The following CTIF variants were observed in gnomAD, a reference collection of about 807,000 sequenced individuals.
CTIF encodes CBP80/20-dependent translation initiation factor.
CTIF carries 21 observed loss-of-function variants against 66.0 expected under a neutral mutation model. The observed-to-expected ratio is 0.32, with a 90% CI of 0.23 to 0.46. The LOEUF is 0.46. Among genes scored for constraint, CTIF ranks in the 20% least tolerant of loss-of-function variants. The pLI, the probability that CTIF is intolerant of heterozygous loss-of-function variation, is 1.00. For missense variants in CTIF, 739 were observed against 812.7 expected, an observed-to-expected ratio of 0.91 and a Z score of 1.10; for synonymous variants, 345 against 326.4, an observed-to-expected ratio of 1.06 and a Z score of -0.62.
At chr18:48,802,222 A>G (rs1568231760) in intron 9 of CTIF, among the ~76,000 whole-genome samples, 1 of 152,182 alleles carries the variant, frequency 6.6e-6, no homozygotes, top group Non-Finnish European at 1.5e-5. Context: ...CTGAGGCCTC[A>G]GTGAGCACAG....
rs1022602481 is a variant in CTIF, at chr18:48,639,891, T to G, written c.252+3206T>G. Among the ~76,000 whole-genome samples, 48 of 152,182 alleles carry G rather than the reference T, an allele frequency of 3.2e-4. 1 individual carries two copies. Among genetic ancestry groups the G allele is most frequent in the Non-Finnish European group, 7.3e-5 (5 of 68,034 alleles). On this transcript the variant is annotated intron_variant, in intron 3 of 11. Transcript: ENST00000256413. ...CCTGGGTTTCCTTCCCAGGAAACTCTGATTTCTGCCCACGAAGCAGCCATC... is the reference window on the plus strand; with the variant it reads ...CCTGGGTTTCCTTCCCAGGAAACTCGGATTTCTGCCCACGAAGCAGCCATC...
chr18:48,622,110 G>A (rs1238196840), intron 2 of CTIF, among the ~76,000 whole-genome samples: 1 of 152,230 alleles, frequency 6.6e-6, no homozygotes, highest in Non-Finnish European at 1.5e-5. Flanking sequence ...AGAGAGGGGT[G>A]AGGGAGGCAC....
At chr18:48,740,178 C>T (rs889684954) in intron 7 of CTIF, among the ~76,000 whole-genome samples, 2 of 152,188 alleles carry the variant, frequency 1.3e-5, no homozygotes, top group South Asian at 2.1e-4. Context: ...AGTCCAGGCT[C>T]GGGCAATTCC....
chr18:48,826,816 T>C (rs2068591508), intron 10 of CTIF: 1 of 152,196 alleles, frequency 6.6e-6, no homozygotes. Flanking sequence ...GGGATATAAG[T>C]TGTGATCCTT....
In CTIF at chr18:48,636,595, G is replaced by A. The variant is rs376837270; in HGVS notation, c.181-19G>A. ...CCTGGCTGTCCTGCCGTCACTGATC[G>A]CTCCTTTCTGTTCTGCAGTGGACAG... On this transcript the variant is annotated intron_variant, in intron 2 of 11. Coordinates refer to ENST00000256413, the MANE Select transcript of CTIF (RefSeq NM_014772.3). 42 of 1,515,480 alleles carry A rather than the reference G, an allele frequency of 2.8e-5. No individual in the cohort carries two copies. The highest frequency in any genetic ancestry group is 1.8e-4 in the Middle Eastern group (1 of 5,714). The allele number at this position is 1,515,480 out of a possible 1,614,324, so 93.9% of individuals were successfully genotyped here. A position where few individuals can be genotyped will look rare whatever the true frequency, so the allele number is the denominator to read the frequency against.
chr18:48,650,115 G>A (rs988353692), intron 3 of CTIF, among the ~76,000 whole-genome samples: 2 of 152,268 alleles, frequency 1.3e-5, no homozygotes, highest in Non-Finnish European at 2.9e-5. Context: ...AACAAAGCTG[G>A]ATGGAGAATG....
intron 7 of CTIF, among the ~76,000 whole-genome samples, chr18:48,750,676 A>G (rs946269365): frequency 4.5e-4 from 68 of 151,766 alleles, no homozygotes; most frequent in African/African-American, 1.5e-3. Flanking sequence ...CGGATCTCCA[A>G]CCCTCCCATC....
chr18:48,649,984 C>G (rs2091125623), intron 3 of CTIF, among the ~76,000 whole-genome samples: 1 of 152,156 alleles, frequency 6.6e-6, no homozygotes, highest in Non-Finnish European at 1.5e-5. Context: ...TCACCAACGT[C>G]AAAGACCAAA....
intron 10 of CTIF, among the ~76,000 whole-genome samples, chr18:48,830,277 C>T (rs1380157838): frequency 6.6e-6 from 1 of 152,194 alleles, no homozygotes; most frequent in Non-Finnish European, 1.5e-5. Context: ...GATTCTCCTG[C>T]CTCAGCCTCC....
chr18:48,576,004 C>T (rs1323165094), intron 1 of CTIF, among the ~76,000 whole-genome samples: 2 of 152,254 alleles, frequency 1.3e-5, no homozygotes, highest in African/African-American at 2.4e-5. Context: ...GCTGCAGAAA[C>T]GTGCACTGTG....
At chr18:48,625,861 A>C (rs1251165918) in intron 2 of CTIF, among the ~76,000 whole-genome samples, 2 of 152,216 alleles carry the variant, frequency 1.3e-5, no homozygotes, top group African/African-American at 4.8e-5. Context: ...GAGTTTCTTT[A>C]GTTAGATGCT....
At chr18:48,645,252 C>T (rs1225338886) in intron 3 of CTIF, among the ~76,000 whole-genome samples, 3 of 85,824 alleles carry the variant, frequency 3.5e-5, no homozygotes, top group African/African-American at 1.3e-4. Context: ...CCATACTTGG[C>T]ACTAGGAAAT....
At chr18:48,835,363 C>T (rs1404407725) in intron 10 of CTIF, among the ~76,000 whole-genome samples, 1 of 152,188 alleles carries the variant, frequency 6.6e-6, no homozygotes. Flanking sequence ...CTTACAGAGG[C>T]AGTCACTGTC....
At chr18:48,613,354 G>C (rs1459275006) in intron 1 of CTIF, among the ~76,000 whole-genome samples, 1 of 152,040 alleles carries the variant, frequency 6.6e-6, no homozygotes, top group African/African-American at 2.4e-5. Context: ...ACTGGCAACC[G>C]ACCATCTCAG....
chr18:48,571,118 C>T (rs1269200785), intron 1 of CTIF, among the ~76,000 whole-genome samples: 1 of 152,118 alleles, frequency 6.6e-6, no homozygotes, highest in African/African-American at 2.4e-5. Context: ...CCCCACCTAC[C>T]CCCTTCCGTC....
chr18:48,539,658 C>A (rs903454918), intron 1 of CTIF: 4 of 152,724 alleles, frequency 2.6e-5, no homozygotes, highest in Non-Finnish European at 5.9e-5. Context: ...TGGAGCCCGG[C>A]TCGCTTTGGA....
chr18:48,636,664 AG>A lies in CTIF; in HGVS notation c.234del (p.Arg79GlufsTer80). 1 of 1,601,170 alleles carries A rather than the reference AG, an allele frequency of 6.2e-7. No individual in the cohort carries two copies. Among genetic ancestry groups the A allele is most frequent in the Non-Finnish European group, 8.5e-7 (1 of 1,174,828 alleles). On this transcript the variant is annotated frameshift_variant, in exon 3 of 12. Coordinates refer to ENST00000256413, the MANE Select transcript of CTIF (RefSeq NM_014772.3). LOFTEE classifies it high-confidence loss of function. ...PLDSSCSFSR[G>X]RAPPQQNGSK... Reference sequence around the variant, plus strand: ...TGGACAGCAGCTGTTCCTTCTCCCGAGGGCGAGCCCCCCCACAGCAGGTAGG... The same window carrying A: ...TGGACAGCAGCTGTTCCTTCTCCCGAGGCGAGCCCCCCCACAGCAGGTAGG...
chr18:48,627,586 G>A (rs1001095286), intron 2 of CTIF, among the ~76,000 whole-genome samples: 30 of 152,008 alleles, frequency 2.0e-4, no homozygotes, highest in African/African-American at 6.0e-4. Flanking sequence ...GGGCATGATG[G>A]TGCATGCCTG....
intron 9 of CTIF, among the ~76,000 whole-genome samples, chr18:48,806,184 A>G (rs1683330064): frequency 1.3e-5 from 2 of 152,236 alleles, no homozygotes; most frequent in Non-Finnish European, 1.5e-5. Flanking sequence ...AATAAAAAAT[A>G]AAGCACCTTT....
Sources: gnomAD v4.1 joint callset for allele counts (sites outside exome capture counted in the v4.1 genomes callset) on GRCh38, gnomAD v4.1.1 for gene constraint, MANE v1.5 for transcripts, NCBI Gene and HGNC (gene_info 2026-07-23, HGNC 2026-07-21) for gene names.